INTS2: variants seen among roughly 807,000 people sequenced by gnomAD.
INTS2 encodes the protein integrator complex subunit 2, also known as KIAA1287.
INTS2 carries 57 observed loss-of-function variants against 139.6 expected under a neutral mutation model. The ratio of observed to expected loss-of-function variants is 0.41; its 90% CI spans 0.33 to 0.51. The LOEUF is 0.51. Ranked by LOEUF, INTS2 falls within the 20% of genes least tolerant of loss-of-function variation. INTS2 has a pLI of 0.28. For missense variants in INTS2, 1,196 were observed against 1,436.7 expected (o/e 0.83, Z 2.71); for synonymous variants, 473 against 493.4 (o/e 0.96, Z 0.55).
rs757162982 is a variant in INTS2 at position 61,897,247 on chromosome 17, TATAAG to T, written c.1494+217_1494+221del. Among the ~76,000 whole-genome samples, 1 of 152,144 alleles carries T rather than the reference TATAAG, an allele frequency of 6.6e-6. No individual in the cohort carries two copies. The highest frequency in any genetic ancestry group is 1.5e-5 in the Non-Finnish European group (1 of 68,024). ...ACTAGGTATCTCTGAATCATGGAAT[TATAAG>T]ATATCTTTCCCTTTTCTGTGCTTTC... On this transcript the variant is annotated intron_variant, in intron 11 of 24. Transcript: ENST00000251334. The surrounding 1 kb of genome is among the most constrained non-coding windows in gnomAD (Gnocchi z 4.4).
At chr17:61,899,933 A>G (rs1482154734) in intron 9 of INTS2, among the ~76,000 whole-genome samples, 4 of 151,754 alleles carry the variant, frequency 2.6e-5, no homozygotes, top group Non-Finnish European at 4.4e-5. Flanking sequence ...AAAATACCTT[A>G]TAAGAGTAAT....
chr17:61,900,284 G>T (rs1385379689), intron 9 of INTS2, among the ~76,000 whole-genome samples: 1 of 152,126 alleles, frequency 6.6e-6, no homozygotes, highest in Non-Finnish European at 1.5e-5. Context: ...AAATTAAGAG[G>T]TTGACATTCT....
intron 15 of INTS2, among the ~76,000 whole-genome samples, chr17:61,889,253 A>G (rs936204719): frequency 1.3e-5 from 2 of 151,068 alleles, no homozygotes; most frequent in Non-Finnish European, 2.9e-5. Flanking sequence ...CACCTGGCTA[A>G]TTTTTGTATT....
chr17:61,918,104 A>G (rs2079601530), intron 5 of INTS2, among the ~76,000 whole-genome samples: 1 of 152,224 alleles, frequency 6.6e-6, no homozygotes, highest in Admixed American at 6.5e-5. Flanking sequence ...AGTAATTGAC[A>G]GAACAAGTTG....
intron 18 of INTS2, 106 bp downstream of exon 18, chr17:61,877,781 T>C (rs1442300809): frequency 5.3e-6 from 4 of 753,132 alleles, no homozygotes; most frequent in Non-Finnish European, 9.0e-6. Flanking sequence ...AGTCAACAAA[T>C]ACTGCTATGA....
intron 7 of INTS2, among the ~76,000 whole-genome samples, chr17:61,908,143 A>G (rs1020011346): frequency 1.2e-4 from 18 of 152,190 alleles, no homozygotes; most frequent in African/African-American, 3.9e-4. Flanking sequence ...GGCCTGATGC[A>G]GTGGTTCACG....
In INTS2 at chr17:61,912,537, C is replaced by T. The variant is rs145655188; in HGVS notation, c.650-467G>A. On this transcript the variant is annotated intron_variant, in intron 5 of 24. Coordinates refer to ENST00000251334, the MANE Select transcript of INTS2 (RefSeq NM_001351695.2). ...ACTCAGGACGCTGAGGCAGGAGAAT[C>T]GCTTGAACTGGGAGGTGGAGGTTGC... Among the ~76,000 whole-genome samples, 327 of 152,056 alleles carry T rather than the reference C, an allele frequency of 2.2e-3. 1 individual carries two copies. Among genetic ancestry groups the T allele is most frequent in the Middle Eastern group, 0.01 (3 of 294 alleles).
chr17:61,896,100 C>T (rs9905273), intron 11 of INTS2, among the ~76,000 whole-genome samples: 3,086 of 151,598 alleles, frequency 0.02, 101 homozygotes, highest in African/African-American at 0.071. Flanking sequence ...ATTAGCCGGG[C>T]GTGGCGGTAT....
chr17:61,902,849 G>A (rs2079420337), intron 9 of INTS2, among the ~76,000 whole-genome samples: 2 of 136,692 alleles, frequency 1.5e-5, no homozygotes, highest in African/African-American at 5.6e-5. Flanking sequence ...CAGCCTGGGT[G>A]AAAGAGCTTA....
intron 5 of INTS2, among the ~76,000 whole-genome samples, chr17:61,916,961 A>C (rs1168112934): frequency 1.3e-5 from 2 of 152,144 alleles, no homozygotes; most frequent in Non-Finnish European, 2.9e-5. Context: ...AAACCACCCC[A>C]TTAAAAGTGA....
chr17:61,888,566 T>TGC (rs149492325), intron 15 of INTS2, among the ~76,000 whole-genome samples: 49,107 of 143,610 alleles, frequency 0.34, 8,646 homozygotes, highest in East Asian at 0.57. Context: ...TGTGCGTGCG[T>TGC]GTGTGTGTGT....
chr17:61,912,602 G>A (rs888676035), intron 5 of INTS2, among the ~76,000 whole-genome samples: 18 of 151,896 alleles, frequency 1.2e-4, no homozygotes, highest in Admixed American at 7.9e-4. Context: ...AGCCTGGGGC[G>A]ACAAAAGCGA....
chr17:61,914,659 C>A (rs1012498645), intron 5 of INTS2, among the ~76,000 whole-genome samples: 3 of 148,826 alleles, frequency 2.0e-5, no homozygotes, highest in Non-Finnish European at 4.4e-5. Flanking sequence ...GCCGAGATTG[C>A]GCCACTGCAT....
At position 61,869,181 on chromosome 17, in the gene INTS2, TC is replaced by T; in HGVS notation, c.3139-43del. 6.8e-7 allele frequency: 1 copy of T among 1,476,248 alleles called. No homozygotes were observed. The highest frequency in any genetic ancestry group is 9.4e-7 in the Non-Finnish European group (1 of 1,058,430). The allele number at this position is 1,476,248 out of a possible 1,614,324, so 91.4% of individuals were successfully genotyped here. A position where few individuals can be genotyped will look rare whatever the true frequency, so the allele number is the denominator to read the frequency against. ...AGTTATTACATGTTTCTCAAGAATATCTTTAGGTATTAAAAATTATAAAATG... is the reference window on the plus strand; with the variant it reads ...AGTTATTACATGTTTCTCAAGAATATTTTAGGTATTAAAAATTATAAAATG... On this transcript the variant is annotated intron_variant, in intron 22 of 24. Transcript: ENST00000251334. The surrounding 1 kb of genome is among the most constrained non-coding windows in gnomAD (Gnocchi z 5.4).
At chr17:61,908,604 T>G (rs1217930021) in intron 7 of INTS2, among the ~76,000 whole-genome samples, 3 of 152,182 alleles carry the variant, frequency 2.0e-5, no homozygotes, top group Non-Finnish European at 4.4e-5. Flanking sequence ...TATACAGGGC[T>G]AGACAAATGT....
chr17:61,868,087 C>A lies in INTS2; in HGVS notation c.3245-78G>T. The A allele has an allele frequency of 3.3e-6, 4 of 1,198,548 alleles. No homozygotes were observed. Among genetic ancestry groups the A allele is most frequent in the Non-Finnish European group, 4.6e-6 (4 of 874,014 alleles). 74.2% of individuals were successfully genotyped at this position (1,198,548 alleles called of 1,614,324 possible). ...AGCTTACACAACATACTAAGGGGAA[C>A]TATGCTCTGTGCTGGAGATATGAAG... On this transcript the variant is annotated intron_variant, in intron 23 of 24. Coordinates refer to ENST00000251334, the MANE Select transcript of INTS2 (RefSeq NM_001351695.2). The surrounding 1 kb of genome is among the most constrained non-coding windows in gnomAD (Gnocchi z 4.7).
chr17:61,897,819 T>C lies in INTS2; in HGVS notation c.1308-80A>G, dbSNP rs2145937621. 9.9e-7 allele frequency: 1 copy of C among 1,006,542 alleles called. No homozygotes were observed. The highest frequency in any genetic ancestry group is 1.5e-6 in the Non-Finnish European group (1 of 674,190). The allele number at this position is 1,006,542 out of a possible 1,614,324, so 62.4% of individuals were successfully genotyped here. On this transcript the variant is annotated intron_variant, in intron 9 of 24. Transcript: ENST00000251334. This position sits in a 1 kb window ranked among gnomAD's most constrained non-coding sequence, Gnocchi z 4.4. Reference sequence around the variant, plus strand: ...AATAAAAAGCATTCTGAAGTTATTTTTGGTAGAAATTATTTTTCCTGCCCT... The same window carrying C: ...AATAAAAAGCATTCTGAAGTTATTTCTGGTAGAAATTATTTTTCCTGCCCT...
chr17:61,884,796 C>T, intron 16 of INTS2, 105 bp downstream of exon 16: 1 of 733,172 alleles, frequency 1.4e-6, no homozygotes, highest in South Asian at 1.7e-5. Flanking sequence ...CACTCTTGAA[C>T]TGTTTGAATT....
intron 2 of INTS2, among the ~76,000 whole-genome samples, 183 bp downstream of exon 2, chr17:61,926,169 A>G (rs912782754): frequency 6.6e-6 from 1 of 152,176 alleles, no homozygotes; most frequent in Non-Finnish European, 1.5e-5. Flanking sequence ...ATTTCTCTAG[A>G]TAACATTTTA....
Sources: allele counts gnomAD v4.1 joint callset (sites outside exome capture counted in the v4.1 genomes callset), GRCh38; gene constraint gnomAD v4.1.1; non-coding constraint Gnocchi (gnomAD v3.1); transcripts MANE v1.5; gene names NCBI Gene and HGNC (gene_info 2026-07-23, HGNC 2026-07-21).